The following NPR2 variants were observed in gnomAD, a reference collection of about 807,000 sequenced individuals.
NPR2 encodes natriuretic peptide receptor 2.
In NPR2, 49 loss-of-function variants were observed where a neutral mutation model predicts 120.7. The observed-to-expected ratio is 0.41, with a 90% confidence interval of 0.32 to 0.52. NPR2 has a LOEUF of 0.52. NPR2 is among the 20% of genes least tolerant of loss of function. NPR2 has a pLI of 0.36. For synonymous variants in NPR2, 484 were observed against 519.8 expected, an observed-to-expected ratio of 0.93 and a Z score of 0.94; for missense variants, 931 against 1,362.9, an observed-to-expected ratio of 0.68 and a Z score of 4.99.
rs1827808688 is a variant in NPR2, at chr9:35,792,368, GC to G, written c.-37del. 6.3e-7 allele frequency: 1 copy of G among 1,595,920 alleles called. No homozygotes were observed. Reference sequence around the variant, plus strand: ...CGCGTCTCCCCTGTAGGCCAGAGCAGCCCCAAGTTCTGGGGGCGGTGGGGCT... The same window carrying G: ...CGCGTCTCCCCTGTAGGCCAGAGCAGCCCAAGTTCTGGGGGCGGTGGGGCT... On this transcript the variant is annotated 5_prime_UTR_variant, in exon 1 of 22. Coordinates refer to ENST00000342694, the MANE Select transcript of NPR2 (RefSeq NM_003995.4).
At chr9:35,799,075 A>G (rs12347878) in intron 2 of NPR2, among the ~76,000 whole-genome samples, 41,940 of 152,168 alleles carry the variant, frequency 0.28, 6,850 homozygotes, top group African/African-American at 0.45. Context: ...AGGGCCTGAA[A>G]TCTCTCTAAT....
At chr9:35,795,334 C>T (rs956189565) in intron 2 of NPR2, among the ~76,000 whole-genome samples, 12 of 152,146 alleles carry the variant, frequency 7.9e-5, no homozygotes, top group Non-Finnish European at 1.5e-4. Flanking sequence ...TGAATCTTCC[C>T]GATTCCCCCG....
Position 35,808,459 on chromosome 9 carries a change from A to G in NPR2, c.2713-50A>G. On this transcript the variant is annotated intron_variant, in intron 18 of 21. Coordinates refer to ENST00000342694, the MANE Select transcript of NPR2 (RefSeq NM_003995.4). The surrounding 1 kb of genome is among the most constrained non-coding windows in gnomAD (Gnocchi z 4.0). Reference sequence around the variant, plus strand: ...AGCTTGTCTCCCTCTACTTTTTCCCATCCCCATGGATATAAATAGAGGTGA... The same window carrying G: ...AGCTTGTCTCCCTCTACTTTTTCCCGTCCCCATGGATATAAATAGAGGTGA... 3 of 1,592,984 alleles carry G rather than the reference A, an allele frequency of 1.9e-6. No homozygotes were observed. Among genetic ancestry groups the G allele is most frequent in the African/African-American group, 2.7e-5 (2 of 74,606 alleles).
chr9:35,801,825 G>A, intron 8 of NPR2, 62 bp downstream of exon 8: 1 of 1,611,778 alleles, frequency 6.2e-7, no homozygotes, highest in Non-Finnish European at 8.5e-7. Context: ...TCTTACCCTG[G>A]ATCTCTCCCA....
chr9:35,808,281 A>G lies in NPR2; in HGVS notation c.2713-228A>G, dbSNP rs955783639. On this transcript the variant is annotated intron_variant, in intron 18 of 21. Transcript: ENST00000342694. The surrounding 1 kb of genome is among the most constrained non-coding windows in gnomAD (Gnocchi z 4.0). ...AGACAGGGTGTTCATTCATTCCGCA[A>G]ATGTTTACTGAGTATTCACCAGGTG... The G allele has an allele frequency of 1.2e-6, 2 of 1,613,440 alleles. No individual in the cohort carries two copies. The highest frequency in any genetic ancestry group is 1.7e-6 in the Non-Finnish European group (2 of 1,179,416).
chr9:35,805,457 G>T lies in NPR2; in HGVS notation c.1888-54G>T. On this transcript the variant is annotated intron_variant, in intron 12 of 21. Transcript: ENST00000342694. The surrounding 1 kb of genome is among the most constrained non-coding windows in gnomAD (Gnocchi z 4.9). ...AGCCAGTGCCCATCTCATGGAGAGA[G>T]GGTATTCTAAGCCAGATATGATCCA... is the stretch of plus-strand genomic sequence containing the variant. 1 of 1,567,428 alleles carries T rather than the reference G, an allele frequency of 6.4e-7. No individual in the cohort carries two copies. The highest frequency in any genetic ancestry group is 1.1e-5 in the South Asian group (1 of 90,060).
Position 35,792,244 on chromosome 9 carries a change from C to G in NPR2, c.-165C>G. 1.4e-6 allele frequency: 1 copy of G among 697,516 alleles called. No homozygotes were observed. Among genetic ancestry groups the G allele is most frequent in the Non-Finnish European group, 2.3e-6 (1 of 426,010 alleles). 43.2% of individuals were successfully genotyped at this position (697,516 alleles called of 1,614,324 possible). A position where few individuals can be genotyped will look rare whatever the true frequency, so the allele number is the denominator to read the frequency against. On this transcript the variant is annotated 5_prime_UTR_variant, in exon 1 of 22. Coordinates refer to ENST00000342694, the MANE Select transcript of NPR2 (RefSeq NM_003995.4). The stretch of plus-strand genomic sequence containing the variant: ...CCCCCCGCCTTCCTCCCATCTCCCC[C>G]TCCTCTCCCCGGCCCCCAGCACCTT...
intron 18 of NPR2, 75 bp downstream of exon 18, chr9:35,807,473 C>G: frequency 8.5e-7 from 1 of 1,175,330 alleles, no homozygotes. Flanking sequence ...TCCCTGAACC[C>G]CACACACCTT....
intron 8 of NPR2, 53 bp downstream of exon 8, chr9:35,801,816 C>T (rs1484292993): frequency 6.2e-7 from 1 of 1,612,858 alleles, no homozygotes; most frequent in Non-Finnish European, 8.5e-7. Context: ...CCTGTCCCTT[C>T]TTACCCTGGA....
chr9:35,808,613 T>A lies in NPR2; in HGVS notation c.2817T>A (p.Asp939Glu). The change falls in exon 19 of 22, where the codon GAT becomes GAA. Residue 939 changes from aspartate to glutamate, a missense_variant. Transcript: ENST00000342694. The surrounding 1 kb of genome is among the most constrained non-coding windows in gnomAD (Gnocchi z 4.0). ...CTCGTATGGCCCTAGCATTACTAGATGCAGTTTCTTCCTTTCGCATCCGCC... is the reference window on the plus strand; with the variant it reads ...CTCGTATGGCCCTAGCATTACTAGAAGCAGTTTCTTCCTTTCGCATCCGCC... Reference protein sequence around the residue: ...EIARMALALLDAVSSFRIRHR... With the variant: ...EIARMALALLEAVSSFRIRHR... 1.9e-6 allele frequency: 3 copies of A among 1,614,142 alleles called. No homozygotes were observed. Among genetic ancestry groups the A allele is most frequent in the African/African-American group, 1.3e-5 (1 of 75,032 alleles).
rs747231763 is a variant in NPR2 at position 35,800,485 on chromosome 9, T to C, written c.1218+2T>C. The stretch of plus-strand genomic sequence containing the variant: ...GACCTGGATTCTGGGGACTTTCAGG[T>C]GATGGAGGAGGAGGCAGGGAAGAGA... On this transcript the variant is annotated splice_donor_variant, in intron 5 of 21. Coordinates refer to ENST00000342694, the MANE Select transcript of NPR2 (RefSeq NM_003995.4). LOFTEE classifies it high-confidence loss of function. The surrounding 1 kb of genome is among the most constrained non-coding windows in gnomAD (Gnocchi z 4.7). 6.2e-7 allele frequency: 1 copy of C among 1,611,958 alleles called. No individual in the cohort carries two copies.
At position 35,800,102 on chromosome 9, in the gene NPR2, C is replaced by G. The variant is rs1285715752; in HGVS notation, c.1068C>G (p.Gly356=). 6.2e-7 allele frequency: 1 copy of G among 1,613,906 alleles called. No individual in the cohort carries two copies. The highest frequency in any genetic ancestry group is 1.1e-5 in the South Asian group (1 of 91,072). The change falls in exon 4 of 22, where the codon GGC becomes GGG. Residue 356 remains glycine, a synonymous_variant. Coordinates refer to ENST00000342694, the MANE Select transcript of NPR2 (RefSeq NM_003995.4). This position sits in a 1 kb window ranked among gnomAD's most constrained non-coding sequence, Gnocchi z 4.7. Reference sequence around the variant, plus strand: ...TGAATGAGACAATACAGGAAGGAGGCACCCGGGAGGATGGACTTCGAATTG... The same window carrying G: ...TGAATGAGACAATACAGGAAGGAGGGACCCGGGAGGATGGACTTCGAATTG... ...EVLNETIQEG[G]TREDGLRIVE...
intron 17 of NPR2, 80 bp from the exon 18 acceptor site, chr9:35,807,250 T>A (rs1828447400): frequency 2.7e-6 from 4 of 1,493,982 alleles, no homozygotes; most frequent in South Asian, 2.3e-5. Context: ...AGTTCCCACA[T>A]CTTTTGATGG....
intron 2 of NPR2, among the ~76,000 whole-genome samples, chr9:35,798,693 C>T (rs532853549): frequency 1.3e-5 from 2 of 152,276 alleles, no homozygotes; most frequent in South Asian, 4.1e-4. Flanking sequence ...GTTGTGATGC[C>T]AGTTTCCTGT....
rs949310639 is a variant in NPR2 at position 35,808,461 on chromosome 9, C to G, written c.2713-48C>G. ...CTTGTCTCCCTCTACTTTTTCCCATCCCCATGGATATAAATAGAGGTGACC... is the reference window on the plus strand; with the variant it reads ...CTTGTCTCCCTCTACTTTTTCCCATGCCCATGGATATAAATAGAGGTGACC... On this transcript the variant is annotated intron_variant, in intron 18 of 21. Transcript: ENST00000342694. This position sits in a 1 kb window ranked among gnomAD's most constrained non-coding sequence, Gnocchi z 4.0. 12 of 1,589,700 alleles carry G rather than the reference C, an allele frequency of 7.5e-6. No homozygotes were observed. Among genetic ancestry groups the G allele is most frequent in the Non-Finnish European group, 1.0e-5 (12 of 1,158,550 alleles).
intron 2 of NPR2, among the ~76,000 whole-genome samples, chr9:35,796,498 T>C (rs1321206355): frequency 6.6e-6 from 1 of 152,164 alleles, no homozygotes; most frequent in Non-Finnish European, 1.5e-5. Context: ...TGTATTCTAT[T>C]TGTGGAAGAA....
In NPR2 at chr9:35,800,983, G is replaced by A. The variant is rs978196569; in HGVS notation, c.1352-87G>A. ...CCTCCTCATTTCTTCCTACTCCCAAGGAGTCTGTCTATGCACCTATGCACC... is the reference window on the plus strand; with the variant it reads ...CCTCCTCATTTCTTCCTACTCCCAAAGAGTCTGTCTATGCACCTATGCACC... On this transcript the variant is annotated intron_variant, in intron 6 of 21. Transcript: ENST00000342694. This position sits in a 1 kb window ranked among gnomAD's most constrained non-coding sequence, Gnocchi z 4.7. 6.5e-6 allele frequency: 10 copies of A among 1,526,770 alleles called. No individual in the cohort carries two copies. In the Admixed American group the frequency reaches 1.5e-4, roughly 23 times the overall value. The allele number at this position is 1,526,770 out of a possible 1,614,324, so 94.6% of individuals were successfully genotyped here.
At chr9:35,798,214 T>G (rs1828006196) in intron 2 of NPR2, among the ~76,000 whole-genome samples, 1 of 152,256 alleles carries the variant, frequency 6.6e-6, no homozygotes. Flanking sequence ...ATATAAATTG[T>G]GTTGAACCTG....
In NPR2 at chr9:35,805,673, G is replaced by A. The variant is rs200461596; in HGVS notation, c.2047+3G>A. On this transcript the variant is annotated splice_donor_region_variant and intron_variant, in intron 13 of 21. Coordinates refer to ENST00000342694, the MANE Select transcript of NPR2 (RefSeq NM_003995.4). This position sits in a 1 kb window ranked among gnomAD's most constrained non-coding sequence, Gnocchi z 4.9. ...TGACAGCCATGCCCTCTATGCCAGT[G>A]AGGCCCACCCCCACAACCCACTTTT... is the stretch of plus-strand genomic sequence containing the variant. The A allele has an allele frequency of 1.7e-5, 27 of 1,613,920 alleles. 1 individual carries two copies. The African/African-American group carries it at 3.1e-4, about 18-fold the overall frequency.
Sources: gnomAD v4.1 joint callset for allele counts (sites outside exome capture counted in the v4.1 genomes callset) on GRCh38, gnomAD v4.1.1 for gene constraint, Gnocchi (gnomAD v3.1) non-coding constraint, MANE v1.5 for transcripts, NCBI Gene and HGNC (gene_info 2026-07-23, HGNC 2026-07-21) for gene names.